Variants in PEAR1 observed in about 807,000 individuals in gnomAD.
The protein encoded by PEAR1 is platelet endothelial aggregation receptor 1, also known as multiple EGF-like domains protein 12.
PEAR1 carries 113 observed loss-of-function variants against 131.2 expected under a neutral mutation model. That is an observed-to-expected ratio of 0.86 (90% CI 0.74 to 1.01). The LOEUF is 1.01. Ranked by LOEUF, PEAR1 falls within the 50% of genes least tolerant of loss-of-function variation. The probability of loss-of-function intolerance (pLI) is 0.00; values close to 1 mark genes in which losing one functional copy is unlikely to be tolerated. For missense variants in PEAR1, 1,408 were observed against 1,391.1 expected, an observed-to-expected ratio of 1.01 and a Z score of -0.19; for synonymous variants, 565 against 523.3, an observed-to-expected ratio of 1.08 and a Z score of -1.09.
In PEAR1 at chr1:156,914,972, G is replaced by A. The variant is rs1221303052; in HGVS notation, c.*174G>A. 1.4e-6 allele frequency: 1 copy of A among 694,106 alleles called. No individual in the cohort carries two copies. Among genetic ancestry groups the A allele is most frequent in the African/African-American group, 1.9e-5 (1 of 53,844 alleles). The allele number at this position is 694,106 out of a possible 1,614,324, so 43.0% of individuals were successfully genotyped here. ...CTTGTTCCTGGGTTCTACCATGGGAGACGCTGATCAGCAGGATGCCTGGCT... is the reference window on the plus strand; with the variant it reads ...CTTGTTCCTGGGTTCTACCATGGGAAACGCTGATCAGCAGGATGCCTGGCT... On this transcript the variant is annotated 3_prime_UTR_variant, in exon 23 of 23. Coordinates refer to ENST00000292357, the MANE Select transcript of PEAR1 (RefSeq NM_001080471.3).
intron 11 of PEAR1, 97 bp from the exon 12 acceptor site, chr1:156,909,654 G>C: frequency 1.5e-6 from 2 of 1,357,502 alleles, no homozygotes; most frequent in Non-Finnish European, 2.0e-6. Flanking sequence ...ACCCACCCCA[G>C]CTCATAGCAT....
Position 156,912,381 on chromosome 1 carries a change from A to G in PEAR1, c.2080+6A>G, listed in dbSNP as rs1239806781. The G allele has an allele frequency of 6.2e-7, 1 of 1,611,362 alleles. No homozygotes were observed. Among genetic ancestry groups the G allele is most frequent in the Non-Finnish European group, 8.5e-7 (1 of 1,178,948 alleles). ...TGGACACCACTGCTTAGAAGGTACC[A>G]ACAGAAGGGGAACTCCAGGCCCCTG... is the stretch of plus-strand genomic sequence containing the variant. On this transcript the variant is annotated splice_donor_region_variant and intron_variant, in intron 16 of 22. Coordinates refer to ENST00000292357, the MANE Select transcript of PEAR1 (RefSeq NM_001080471.3).
intron 1 of PEAR1, among the ~76,000 whole-genome samples, chr1:156,901,515 C>T (rs955431446): frequency 6.6e-6 from 1 of 152,206 alleles, no homozygotes; most frequent in Non-Finnish European, 1.5e-5. Context: ...AAGTTTTGTC[C>T]ATGCCACCAC....
At position 156,908,893 on chromosome 1, in the gene PEAR1, C is replaced by T; in HGVS notation, c.1291-23C>T. On this transcript the variant is annotated intron_variant, in intron 10 of 22. Transcript: ENST00000292357. This position sits in a 1 kb window ranked among gnomAD's most constrained non-coding sequence, Gnocchi z 4.2. ...AGAGGCCAAGGAATGGGCCGCCCCT[C>T]TCACCCGCTCACCCTCTTTCAGGGC... 1 of 1,611,370 alleles carries T rather than the reference C, an allele frequency of 6.2e-7. No homozygotes were observed. The highest frequency in any genetic ancestry group is 8.5e-7 in the Non-Finnish European group (1 of 1,179,802).
Position 156,912,901 on chromosome 1 carries a change from T to C in PEAR1, c.2341T>C (p.Trp781Arg), listed in dbSNP as rs1012463901. 4.0e-5 allele frequency: 65 copies of C among 1,614,088 alleles called. 1 individual carries two copies. In the African/African-American group the frequency reaches 6.9e-4, roughly 17 times the overall value. Reference protein sequence around the residue: ...LVALFIGYRHWQKGKEHHHLA... With the variant: ...LVALFIGYRHRQKGKEHHHLA... ...GGCACTGTTCATTGGCTATCGGCAC[T>C]GGCAAAAAGGCAAGGAGCACCACCA... The change falls in exon 18 of 23, where the codon TGG becomes CGG. Residue 781 changes from tryptophan to arginine, a missense_variant. Physicochemically the swap from Trp to Arg is moderately radical, Grantham distance 101. Transcript: ENST00000292357.
At chr1:156,905,474 G>A (rs1369051164) in intron 4 of PEAR1, 50 bp downstream of exon 4, 3 of 1,497,332 alleles carry the variant, frequency 2.0e-6, no homozygotes, top group Non-Finnish European at 2.7e-6. Flanking sequence ...GGAATGCGGG[G>A]AGCTTAGCCT....
In PEAR1 at chr1:156,912,948, C is replaced by T. The variant is rs142173097; in HGVS notation, c.2388C>T (p.Ser796=). 4.6e-5 allele frequency: 74 copies of T among 1,614,152 alleles called. No homozygotes were observed. Among genetic ancestry groups the T allele is most frequent in the African/African-American group, 3.1e-4 (23 of 75,040 alleles). Residue 796 remains serine (S), a synonymous_variant, in exon 18 of 23, where the codon AGC becomes AGT. Transcript: ENST00000292357. The part of the protein sequence containing the change: ...EHHHLAVAYS[S]GRLDGSEYVM... ...ACCACCTGGCTGTGGCTTACAGCAG[C>T]GGGCGCCTGGACGGCTCCGAGTATG... is the stretch of plus-strand genomic sequence containing the variant.
intron 18 of PEAR1, 104 bp downstream of exon 18, chr1:156,913,086 GAGGA>G: frequency 3.2e-6 from 5 of 1,555,560 alleles, no homozygotes; most frequent in Non-Finnish European, 4.4e-6. Flanking sequence ...GGGGAGGAGG[GAGGA>G]AGGGAGGTCA....
At chr1:156,910,523 G>C in intron 14 of PEAR1, 95 bp from the exon 15 acceptor site, 2 of 1,566,800 alleles carry the variant, frequency 1.3e-6, no homozygotes, top group South Asian at 2.4e-5. Flanking sequence ...CTTCAGACTA[G>C]TTACTGCAGT....
chr1:156,907,813 G>A (rs566353038), intron 7 of PEAR1, 83 bp downstream of exon 7: 12 of 1,567,888 alleles, frequency 7.7e-6, no homozygotes, highest in Non-Finnish European at 1.0e-5. Flanking sequence ...TCCAAGGTGA[G>A]TGAGGGGGGT....
intron 1 of PEAR1, among the ~76,000 whole-genome samples, chr1:156,901,793 T>G (rs1570944176): frequency 1.4e-5 from 2 of 140,908 alleles, no homozygotes; most frequent in African/African-American, 2.7e-5. Flanking sequence ...GAGGGAGAGG[T>G]GGAGAGAAGG....
intron 3 of PEAR1, 49 bp downstream of exon 3, chr1:156,904,901 C>A (rs766797521): frequency 3.1e-6 from 5 of 1,611,530 alleles, no homozygotes; most frequent in South Asian, 1.1e-5. Flanking sequence ...TGAGTCGCTG[C>A]CTCAGCCTGG....
chr1:156,908,146 G>T lies in PEAR1; in HGVS notation c.921G>T (p.Pro307=), dbSNP rs774320936. The stretch of plus-strand genomic sequence containing the variant: ...TGCCCAGGTGCCGGGAGGAGTGCCC[G>T]GTGGGCCGCTTTGGGCAGGACTGTG... ...YTGDRCREEC[P]VGRFGQDCAE... The change falls in exon 9 of 23, where the codon CCG becomes CCT. Residue 307 remains proline (P), a synonymous_variant. Coordinates refer to ENST00000292357, the MANE Select transcript of PEAR1 (RefSeq NM_001080471.3). The surrounding 1 kb of genome is among the most constrained non-coding windows in gnomAD (Gnocchi z 4.2). The T allele has an allele frequency of 6.3e-7, 1 of 1,598,470 alleles. No homozygotes were observed. Among genetic ancestry groups the T allele is most frequent in the African/African-American group, 1.3e-5 (1 of 74,868 alleles).
intron 1 of PEAR1, among the ~76,000 whole-genome samples, chr1:156,900,190 C>G (rs934702069): frequency 2.0e-5 from 3 of 152,140 alleles, no homozygotes; most frequent in African/African-American, 7.2e-5. Context: ...ACTGGGATCT[C>G]AGGGCCTGGC....
In PEAR1 at chr1:156,910,657, G is replaced by T; in HGVS notation, c.1865G>T (p.Cys622Phe). 6.2e-7 allele frequency: 1 copy of T among 1,614,142 alleles called. No individual in the cohort carries two copies. Among genetic ancestry groups the T allele is most frequent in the Non-Finnish European group, 8.5e-7 (1 of 1,180,044 alleles). Residue 622 changes from cysteine (C) to phenylalanine (F), a missense_variant, in exon 15 of 23, where the codon TGC (cysteine) becomes TTC (phenylalanine). By Grantham distance (205) the Cys-to-Phe change is radical. Transcript: ENST00000292357. ...CGCTATGGCAAACGCTGTGTGCCCT[G>T]CAAGTGCGCTAACCACTCCTTCTGC... ...PGRYGKRCVP[C>F]KCANHSFCHP...
intron 11 of PEAR1, 96 bp downstream of exon 11, chr1:156,909,132 G>T (rs113152154): frequency 1.3e-6 from 2 of 1,531,350 alleles, no homozygotes; most frequent in East Asian, 2.3e-5. Flanking sequence ...GCAGGGGAGC[G>T]GCTGCAGGGT....
At chr1:156,899,761 C>T (rs959903032) in intron 1 of PEAR1, among the ~76,000 whole-genome samples, 1 of 152,016 alleles carries the variant, frequency 6.6e-6, no homozygotes, top group South Asian at 2.1e-4. Flanking sequence ...AATCTTATCC[C>T]CATTTTCTAG....
At chr1:156,909,981 AC>A in intron 12 of PEAR1, 24 bp from the exon 13 acceptor site, 1 of 1,613,066 alleles carries the variant, frequency 6.2e-7, no homozygotes, top group Non-Finnish European at 8.5e-7. Flanking sequence ...TGACTGGCCT[AC>A]CTGCTCCCCA....
rs149157097 is a variant in PEAR1 at position 156,910,137 on chromosome 1, G to A, written c.1678+29G>A. On this transcript the variant is annotated intron_variant, in intron 13 of 22. Coordinates refer to ENST00000292357, the MANE Select transcript of PEAR1 (RefSeq NM_001080471.3). ...AGCATTCTGGGGCCCCAGGCCTACT[G>A]TGGATTGGGGGATGCATCCATAGGA... 9,156 of 1,613,898 alleles carry A rather than the reference G, an allele frequency of 5.7e-3. 37 individuals carry two copies. Among genetic ancestry groups the A allele is most frequent in the Non-Finnish European group, 6.9e-3 (8,155 of 1,179,820 alleles).
Sources: gnomAD v4.1 joint callset for allele counts (sites outside exome capture counted in the v4.1 genomes callset) on GRCh38, gnomAD v4.1.1 for gene constraint, Gnocchi (gnomAD v3.1) non-coding constraint, MANE v1.5 for transcripts, NCBI Gene and HGNC (gene_info 2026-07-23, HGNC 2026-07-21) for gene names.